The following MCCC1 variants were observed in gnomAD, a reference collection of about 807,000 sequenced individuals.
MCCC1 encodes the protein methylcrotonoyl-CoA carboxylase subunit alpha, mitochondrial.
MCCC1 carries 64 observed loss-of-function variants against 83.8 expected under a neutral mutation model. The observed-to-expected ratio is 0.76, with a 90% confidence interval of 0.62 to 0.94. The LOEUF is 0.94. Among genes scored for constraint, MCCC1 ranks in the 40% least tolerant of loss-of-function variants. The pLI, the probability that MCCC1 is intolerant of heterozygous loss-of-function variation, is 0.00. For missense variants in MCCC1, 807 were observed against 904.7 expected (o/e 0.89, Z 1.39); for synonymous variants, 322 against 315.4 (o/e 1.02, Z -0.22).
chr3:183,043,090 G>T (rs1433695682), intron 10 of MCCC1, among the ~76,000 whole-genome samples: 4 of 152,228 alleles, frequency 2.6e-5, no homozygotes, highest in Admixed American at 2.6e-4. Context: ...AGGAATTCAA[G>T]ACCAGCCTGG....
chr3:183,048,519 A>T (rs761810168), intron 9 of MCCC1, among the ~76,000 whole-genome samples: 7 of 152,252 alleles, frequency 4.6e-5, no homozygotes, highest in African/African-American at 7.2e-5. Flanking sequence ...AGGGATAAGG[A>T]GGGGCATTAA....
chr3:183,081,941 G>A, intron 4 of MCCC1, among the ~76,000 whole-genome samples: 1 of 152,220 alleles, frequency 6.6e-6, no homozygotes, highest in East Asian at 1.9e-4. Context: ...GAAGGCAAGG[G>A]AGAGCCAGCT....
chr3:183,112,995 G>A (rs1294976766), intron 1 of MCCC1, among the ~76,000 whole-genome samples: 3 of 152,214 alleles, frequency 2.0e-5, no homozygotes, highest in African/African-American at 7.2e-5. Flanking sequence ...GGAGGCCAAG[G>A]CCGGCGGATC....
Position 183,037,413 on chromosome 3 carries a change from T to A in MCCC1, c.1399A>T (p.Ile467Phe), listed in dbSNP as rs727504003. Residue 467 changes from isoleucine to phenylalanine, a missense_variant, in exon 13 of 19, where the codon ATT (isoleucine) becomes TTT (phenylalanine). Transcript: ENST00000265594. Reference protein sequence around the residue: ...QYNIVGLHTNIDFLLNLSGHP... With the variant: ...QYNIVGLHTNFDFLLNLSGHP... ...CCAGACAGGTTGAGTAAGAAGTCAA[T>A]GTTGGTGTGCAGTCCAACAATCTAG... is the stretch of plus-strand genomic sequence containing the variant. The A allele has an allele frequency of 2.5e-6, 4 of 1,614,032 alleles. No individual in the cohort carries two copies. The highest frequency in any genetic ancestry group is 3.4e-6 in the Non-Finnish European group (4 of 1,180,024).
rs113667783 is a variant in MCCC1, at chr3:183,110,879, C to T, written c.-102+4595G>A. ...TATGGCTAGCCGGTTATCACAGCAC[C>T]ATTTATTGAATAGGGAGTCCTTTCC... On this transcript the variant is annotated intron_variant, in intron 1 of 17. Coordinates refer to the MCCC1 transcript ENST00000492597. Among the ~76,000 whole-genome samples, 1,229 of 152,208 alleles carry T rather than the reference C, an allele frequency of 8.1e-3. 13 individuals carry two copies. Among genetic ancestry groups the T allele is most frequent in the African/African-American group, 0.027 (1,134 of 41,508 alleles).
intron 1 of MCCC1, chr3:183,099,031 C>A: frequency 1.9e-6 from 1 of 515,428 alleles, no homozygotes; most frequent in Non-Finnish European, 3.5e-6. Flanking sequence ...GCTGCGAAAG[C>A]CCGATGTAAA....
chr3:183,086,590 A>C (rs1717906219), intron 4 of MCCC1, 103 bp downstream of exon 4: 1 of 966,786 alleles, frequency 1.0e-6, no homozygotes, highest in Non-Finnish European at 1.6e-6. Context: ...TCAAATGTAA[A>C]GATCTTGGGA....
chr3:183,044,255 A>G (rs1358281739), intron 10 of MCCC1, among the ~76,000 whole-genome samples: 1 of 152,220 alleles, frequency 6.6e-6, no homozygotes, highest in African/African-American at 2.4e-5. Context: ...TGTTAGGAAA[A>G]AGAAGGCTAA....
At chr3:183,089,725 T>A (rs989821537) in intron 3 of MCCC1, among the ~76,000 whole-genome samples, 3 of 151,876 alleles carry the variant, frequency 2.0e-5, no homozygotes, top group Non-Finnish European at 4.4e-5. Flanking sequence ...ATTTACTAGA[T>A]GAGGGGGGAA....
rs540083105 is a variant in MCCC1 at position 183,078,437 on chromosome 3, A to AT, written c.370-5951dup. ...TTTTAGGATTAGCTTATCAATTTCT[A>AT]TTTTTTTTAAAGCCTGCTGGGATTT... On this transcript the variant is annotated intron_variant, in intron 4 of 18. Coordinates refer to ENST00000265594, the MANE Select transcript of MCCC1 (RefSeq NM_020166.5). 5.3e-4 allele frequency among the ~76,000 whole-genome samples: 81 copies of AT among 152,106 alleles called. No individual in the cohort carries two copies. In the South Asian group the frequency reaches 0.016, roughly 30 times the overall value.
At chr3:183,086,899 C>T in intron 3 of MCCC1, 111 bp from the exon 4 acceptor site, 2 of 949,736 alleles carry the variant, frequency 2.1e-6, no homozygotes, top group South Asian at 2.8e-5. Context: ...ATGCCACTCC[C>T]TCAAGAACAG....
rs536628097 is a variant in MCCC1, at chr3:183,066,883, T to C, written c.761+4116A>G. On this transcript the variant is annotated intron_variant, in intron 7 of 18. Coordinates refer to ENST00000265594, the MANE Select transcript of MCCC1 (RefSeq NM_020166.5). Reference sequence around the variant, plus strand: ...ACTTTTCTTTTAAGCTATTGACAGCTTTTTAAACAATTAAGTAATGTGCAC... The same window carrying C: ...ACTTTTCTTTTAAGCTATTGACAGCCTTTTAAACAATTAAGTAATGTGCAC... 3.9e-5 allele frequency among the ~76,000 whole-genome samples: 6 copies of C among 152,380 alleles called. No individual in the cohort carries two copies. The East Asian group carries it at 9.6e-4, about 24-fold the overall frequency.
At chr3:183,067,060 G>A (rs371645717) in intron 7 of MCCC1, among the ~76,000 whole-genome samples, 2 of 152,316 alleles carry the variant, frequency 1.3e-5, no homozygotes, top group East Asian at 3.9e-4. Context: ...GACACAACTG[G>A]AGAAACTGGT....
At chr3:183,030,657 C>G (rs1712987434) in intron 14 of MCCC1, among the ~76,000 whole-genome samples, 1 of 152,184 alleles carries the variant, frequency 6.6e-6, no homozygotes, top group East Asian at 1.9e-4. Context: ...TACTAAAGTA[C>G]AGGAACTCCA....
At position 183,022,453 on chromosome 3, in the gene MCCC1, C is replaced by A. The variant is rs747354023; in HGVS notation, c.1833G>T (p.Leu611=). ...SVNGVASKAK[L]IILENTIYLF... is the part of the protein sequence containing the mutation. ...GGTAAATAGTGTTTTCCAGGATAAT[C>A]AGCTTCGCTTTACTAGCAACTCCAT... Residue 611 remains leucine (L), a synonymous_variant, in exon 16 of 19, where the codon CTG becomes CTT. Transcript: ENST00000265594. The A allele has an allele frequency of 3.7e-6, 6 of 1,614,168 alleles. No homozygotes were observed. The highest frequency in any genetic ancestry group is 3.3e-5 in the South Asian group (3 of 91,082).
chr3:183,026,619 A>G (rs1712625612), intron 14 of MCCC1, among the ~76,000 whole-genome samples: 1 of 152,090 alleles, frequency 6.6e-6, no homozygotes, highest in South Asian at 2.1e-4. Context: ...CTGAGGTAGG[A>G]GAATAGCTTG....
chr3:183,044,752 A>C (rs989134018), intron 10 of MCCC1, among the ~76,000 whole-genome samples: 1 of 152,104 alleles, frequency 6.6e-6, no homozygotes, highest in East Asian at 1.9e-4. Flanking sequence ...AGTGAATCTG[A>C]GTCCCTAAAG....
intron 1 of MCCC1, among the ~76,000 whole-genome samples, chr3:183,113,742 T>A (rs1213866175): frequency 6.6e-6 from 1 of 151,942 alleles, no homozygotes; most frequent in Non-Finnish European, 1.5e-5. Flanking sequence ...GGGTCCTTTA[T>A]AATAAACTGG....
At chr3:183,055,523 C>A (rs974104734) in intron 8 of MCCC1, among the ~76,000 whole-genome samples, 4 of 152,176 alleles carry the variant, frequency 2.6e-5, no homozygotes, top group Non-Finnish European at 5.9e-5. Flanking sequence ...CTATGCATTG[C>A]AGATATTACT....
Sources: gnomAD v4.1 joint callset for allele counts (sites outside exome capture counted in the v4.1 genomes callset) on GRCh38, gnomAD v4.1.1 for gene constraint, MANE v1.5 for transcripts, NCBI Gene and HGNC (gene_info 2026-07-23, HGNC 2026-07-21) for gene names.